Variants in ALDH1A2 observed in about 807,000 individuals in gnomAD.
ALDH1A2 encodes retinal dehydrogenase 2.
ALDH1A2 carries 27 observed loss-of-function variants against 60.3 expected under a neutral mutation model. That is an observed-to-expected ratio of 0.45 (90% CI 0.33 to 0.62). The LOEUF is 0.62. Ranked by LOEUF, ALDH1A2 falls within the 20% of genes least tolerant of loss-of-function variation. The pLI, the probability that ALDH1A2 is intolerant of heterozygous loss-of-function variation, is 0.02. For synonymous variants in ALDH1A2, 289 were observed against 232.4 expected (o/e 1.24, Z -2.21); for missense variants, 581 against 643.8 (o/e 0.90, Z 1.06).
chr15:57,961,893 G>A, intron 10 of ALDH1A2, 119 bp downstream of exon 10: 7 of 1,374,318 alleles, frequency 5.1e-6, no homozygotes, highest in South Asian at 2.5e-5. Flanking sequence ...GTTCATTACT[G>A]TTGCAAAATG....
intron 1 of ALDH1A2, among the ~76,000 whole-genome samples, chr15:58,048,182 A>T (rs925438078): frequency 1.3e-5 from 2 of 152,046 alleles, no homozygotes; most frequent in East Asian, 1.9e-4. Context: ...AAAAAATGTA[A>T]AACTAAAGGT....
chr15:57,992,961 C>G lies in ALDH1A2; in HGVS notation c.668G>C (p.Gly223Ala). Residue 223 changes from glycine to alanine, a missense_variant, in exon 6 of 13, where the codon GGA becomes GCA. Around this residue, in one of 2 missense-constraint regions of ALDH1A2, gnomAD observed 375 missense variants for 469.7 expected, o/e 0.80. Coordinates refer to ENST00000249750, the MANE Select transcript of ALDH1A2 (RefSeq NM_003888.4). Reference protein sequence around the residue: ...EQTPLSALYMGALIKEAGFPP... With the variant: ...EQTPLSALYMAALIKEAGFPP... ...TTCTCTTACCTCCTTGATGAGGGCTCCCATGTAGAGTGCACTGAGTGGTGT... is the reference window on the plus strand; with the variant it reads ...TTCTCTTACCTCCTTGATGAGGGCTGCCATGTAGAGTGCACTGAGTGGTGT... 6.2e-7 allele frequency: 1 copy of G among 1,614,026 alleles called. No individual in the cohort carries two copies. Among genetic ancestry groups the G allele is most frequent in the Non-Finnish European group, 8.5e-7 (1 of 1,179,970 alleles).
chr15:57,978,919 C>T (rs904848948), intron 7 of ALDH1A2, among the ~76,000 whole-genome samples: 5 of 152,116 alleles, frequency 3.3e-5, no homozygotes, highest in Admixed American at 6.5e-5. Context: ...GTCTGTAATC[C>T]CAGATACTTG....
In ALDH1A2 at chr15:57,992,671, C is replaced by T. The variant is rs373233028; in HGVS notation, c.798+34G>A. ...GTAACCCCTCAACTCATTTGCAAGA[C>T]TGTTCCTCAAGCCCTGGTTTTTCAG... On this transcript the variant is annotated intron_variant, in intron 7 of 12. Transcript: ENST00000249750. The T allele has an allele frequency of 3.1e-6, 5 of 1,591,418 alleles. No homozygotes were observed. In the African/African-American group the frequency reaches 4.0e-5, roughly 13 times the overall value.
In ALDH1A2 at chr15:58,013,945, T is replaced by C; in HGVS notation, c.276A>G (p.Ser92=). Residue 92 remains serine (S), a synonymous_variant, in exon 3 of 13, where the codon TCA becomes TCG. Transcript: ENST00000249750. ...CTGAAGCATCCATCCTTCTCCACAC[T>C]GAACCAAGAGAGAAAGCCAGGCGGG... ...QAARLAFSLG[S]VWRRMDASER... 1.2e-6 allele frequency: 2 copies of C among 1,614,070 alleles called. No individual in the cohort carries two copies. The highest frequency in any genetic ancestry group is 1.7e-6 in the Non-Finnish European group (2 of 1,179,998).
Position 58,010,879 on chromosome 15 carries a change from C to T in ALDH1A2, c.364-101G>A, listed in dbSNP as rs1895614057. Reference sequence around the variant, plus strand: ...AAAAGGAAGAGAGAGAATACAAATGCATATGGAGTTGCATACCTGGTCAAC... The same window carrying T: ...AAAAGGAAGAGAGAGAATACAAATGTATATGGAGTTGCATACCTGGTCAAC... On this transcript the variant is annotated intron_variant, in intron 3 of 12. Transcript: ENST00000249750. The T allele has an allele frequency of 2.1e-6, 3 of 1,446,824 alleles. No individual in the cohort carries two copies. In the African/African-American group the frequency reaches 4.2e-5, roughly 20 times the overall value. The allele number at this position is 1,446,824 out of a possible 1,614,324, so 89.6% of individuals were successfully genotyped here.
chr15:58,065,139 G>A (rs1432778578), intron 1 of ALDH1A2: 1 of 290,410 alleles, frequency 3.4e-6, no homozygotes, highest in Admixed American at 5.0e-5. Flanking sequence ...GGAGGACCGA[G>A]AGGCGACGGC....
chr15:57,969,850 A>G (rs571611066), intron 7 of ALDH1A2, among the ~76,000 whole-genome samples: 2 of 152,174 alleles, frequency 1.3e-5, no homozygotes, highest in Non-Finnish European at 2.9e-5. Context: ...ATTGCTGACA[A>G]CCTGGCTAAT....
At chr15:58,053,918 A>T (rs1896835089) in intron 1 of ALDH1A2, among the ~76,000 whole-genome samples, 1 of 152,176 alleles carries the variant, frequency 6.6e-6, no homozygotes, top group African/African-American at 2.4e-5. Context: ...ACACCAATAA[A>T]TACCCATTTG....
chr15:57,957,735 G>A (rs1346836960), intron 12 of ALDH1A2, among the ~76,000 whole-genome samples: 1 of 152,154 alleles, frequency 6.6e-6, no homozygotes, highest in African/African-American at 2.4e-5. Flanking sequence ...GTCAGTATTG[G>A]TAGCTCTTCG....
intron 7 of ALDH1A2, among the ~76,000 whole-genome samples, chr15:57,984,434 A>G (rs910598368): frequency 1.3e-5 from 2 of 152,238 alleles, no homozygotes; most frequent in African/African-American, 2.4e-5. Flanking sequence ...GGATTTTAGT[A>G]TATTAACAGA....
At chr15:57,993,097 G>C in intron 5 of ALDH1A2, 24 bp from the exon 6 acceptor site, 1 of 1,610,032 alleles carries the variant, frequency 6.2e-7, no homozygotes, top group Non-Finnish European at 8.5e-7. Flanking sequence ...ACTCAAAGTT[G>C]ATAGATGGAA....
chr15:58,048,420 A>T (rs1342018103), intron 1 of ALDH1A2, among the ~76,000 whole-genome samples: 2 of 152,042 alleles, frequency 1.3e-5, no homozygotes, highest in African/African-American at 4.8e-5. Context: ...CTGCTTCTGA[A>T]AGTGAAAGGA....
intron 1 of ALDH1A2, among the ~76,000 whole-genome samples, chr15:58,018,382 A>C (rs927948944): frequency 6.6e-6 from 1 of 152,186 alleles, no homozygotes; most frequent in Non-Finnish European, 1.5e-5. Flanking sequence ...GCTCTTCTTC[A>C]CAGTAGAATT....
chr15:58,001,781 A>G (rs1895281884), intron 4 of ALDH1A2, among the ~76,000 whole-genome samples: 1 of 151,840 alleles, frequency 6.6e-6, no homozygotes, highest in Non-Finnish European at 1.5e-5. Flanking sequence ...TAGGGTATGA[A>G]TGGTTTTGGA....
At chr15:58,011,428 C>A (rs1311148982) in intron 3 of ALDH1A2, among the ~76,000 whole-genome samples, 1 of 152,140 alleles carries the variant, frequency 6.6e-6, no homozygotes, top group Non-Finnish European at 1.5e-5. Flanking sequence ...ACATTATAAA[C>A]ATTGTTATTT....
intron 1 of ALDH1A2, among the ~76,000 whole-genome samples, chr15:58,060,549 G>A (rs1452147887): frequency 5.5e-5 from 7 of 128,330 alleles, no homozygotes; most frequent in African/African-American, 2.1e-4. Context: ...AAATGTAACT[G>A]TCCATGTAGC....
chr15:58,054,443 A>T (rs1231564417), intron 1 of ALDH1A2, among the ~76,000 whole-genome samples: 2 of 152,088 alleles, frequency 1.3e-5, no homozygotes, highest in African/African-American at 4.8e-5. Context: ...TGTTGCTGAA[A>T]CTCAAAGTTT....
intron 4 of ALDH1A2, among the ~76,000 whole-genome samples, chr15:58,005,313 C>G (rs549823111): frequency 6.6e-6 from 1 of 152,004 alleles, no homozygotes; most frequent in Non-Finnish European, 1.5e-5. Flanking sequence ...GCTTCCATAT[C>G]TAAATAGATC....
Sources: gnomAD v4.1 joint callset for allele counts (sites outside exome capture counted in the v4.1 genomes callset) on GRCh38, gnomAD v4.1.1 for gene constraint, gnomAD v4.1.1 regional missense constraint, MANE v1.5 for transcripts, NCBI Gene and HGNC (gene_info 2026-07-23, HGNC 2026-07-21) for gene names.